Variants in FUT9 observed in about 807,000 individuals in gnomAD.
FUT9 encodes the protein 4-galactosyl-N-acetylglucosaminide 3-alpha-L-fucosyltransferase 9.
FUT9 carries 15 observed loss-of-function variants against 29.7 expected under a neutral mutation model. That is an observed-to-expected ratio of 0.51 (90% CI 0.34 to 0.78). The LOEUF is 0.78. Among genes scored for constraint, FUT9 ranks in the 30% least tolerant of loss-of-function variants. The pLI, the probability that FUT9 is intolerant of heterozygous loss-of-function variation, is 0.01. For missense variants in FUT9, 319 were observed against 425.4 expected (o/e 0.75, Z 2.20); for synonymous variants, 169 against 153.7 (o/e 1.10, Z -0.74).
At chr6:96,194,820 C>T (rs1026460480) in intron 2 of FUT9, among the ~76,000 whole-genome samples, 9 of 151,962 alleles carry the variant, frequency 5.9e-5, no homozygotes, top group African/African-American at 2.2e-4. Flanking sequence ...TGCTGGAAAG[C>T]TTGTTCTGAA....
At chr6:96,148,021 AG>A (rs919321936) in intron 2 of FUT9, among the ~76,000 whole-genome samples, 1 of 142,936 alleles carries the variant, frequency 7.0e-6, no homozygotes, top group Non-Finnish European at 1.5e-5. Flanking sequence ...AGACTTTAAA[AG>A]CAACTTTTAT....
chr6:96,181,075 A>G (rs530895024), intron 2 of FUT9, among the ~76,000 whole-genome samples: 1 of 152,204 alleles, frequency 6.6e-6, no homozygotes, highest in East Asian at 1.9e-4. Flanking sequence ...TCTATACAGT[A>G]AAGGCTAGAA....
intron 1 of FUT9, among the ~76,000 whole-genome samples, chr6:96,111,074 CT>C (rs1333287570): frequency 6.6e-6 from 1 of 152,114 alleles, no homozygotes; most frequent in Non-Finnish European, 1.5e-5. Context: ...AGTGAATCAT[CT>C]TAATGTTTCA....
chr6:96,092,561 T>G (rs965199630), intron 1 of FUT9, among the ~76,000 whole-genome samples: 15 of 152,164 alleles, frequency 9.9e-5, no homozygotes, highest in African/African-American at 3.6e-4. Flanking sequence ...TCTAGCTGTC[T>G]GCTCCAGCTT....
At chr6:96,046,647 A>G (rs756209462) in intron 1 of FUT9, among the ~76,000 whole-genome samples, 1 of 151,890 alleles carries the variant, frequency 6.6e-6, no homozygotes, top group Non-Finnish European at 1.5e-5. Context: ...CCCTTCCCAC[A>G]TGTGAACATA....
Position 96,204,300 on chromosome 6 carries a change from A to G in FUT9, c.*65A>G, listed in dbSNP as rs984820674. 2.6e-6 allele frequency: 3 copies of G among 1,135,604 alleles called. No individual in the cohort carries two copies. In the African/African-American group the frequency reaches 4.7e-5, roughly 18 times the overall value. The allele number at this position is 1,135,604 out of a possible 1,614,324, so 70.3% of individuals were successfully genotyped here. ...AGATATCATCCAAGTATTGAGGATA[A>G]GAAGAGATGCAACATACTACTTTTG... is the stretch of plus-strand genomic sequence containing the variant. On this transcript the variant is annotated 3_prime_UTR_variant, in exon 3 of 3. Coordinates refer to ENST00000302103, the MANE Select transcript of FUT9 (RefSeq NM_006581.4).
At position 96,204,137 on chromosome 6, in the gene FUT9, C is replaced by A; in HGVS notation, c.982C>A (p.Arg328=). The change falls in exon 3 of 3, where the codon CGA becomes AGA. Residue 328 remains arginine, a synonymous_variant. Coordinates refer to ENST00000302103, the MANE Select transcript of FUT9 (RefSeq NM_006581.4). ...GAAGGATTTCACTGTAAATCTTCCA[C>A]GATTTTGGGAATCACATGCATGTTT... ...WRKDFTVNLP[R]FWESHACLAC... The A allele has an allele frequency of 6.7e-7, 1 of 1,490,050 alleles. No individual in the cohort carries two copies. Among genetic ancestry groups the A allele is most frequent in the Non-Finnish European group, 8.9e-7 (1 of 1,118,460 alleles). The allele number at this position is 1,490,050 out of a possible 1,614,324, so 92.3% of individuals were successfully genotyped here.
intron 2 of FUT9, among the ~76,000 whole-genome samples, chr6:96,137,253 G>A (rs575881100): frequency 6.6e-6 from 1 of 152,114 alleles, no homozygotes; most frequent in Non-Finnish European, 1.5e-5. Context: ...CCAATTTTGA[G>A]TAACGCATAA....
chr6:96,149,207 T>C (rs2127976091), intron 2 of FUT9, among the ~76,000 whole-genome samples: 1 of 152,210 alleles, frequency 6.6e-6, no homozygotes, highest in South Asian at 2.1e-4. Context: ...AGACTGCTTT[T>C]ATTATGTACA....
Position 96,203,513 on chromosome 6 carries a change from T to A in FUT9, c.358T>A (p.Leu120Ile), listed in dbSNP as rs1320396093. 1 of 1,612,906 alleles carries A rather than the reference T, an allele frequency of 6.2e-7. No homozygotes were observed. Among genetic ancestry groups the A allele is most frequent in the Middle Eastern group, 1.7e-4 (1 of 6,060 alleles). The change falls in exon 3 of 3, where the codon TTA (leucine) becomes ATA (isoleucine). Residue 120 changes from leucine to isoleucine, a missense_variant. Physicochemically the swap from Leu to Ile is conservative, Grantham distance 5 (BLOSUM62 2). Coordinates refer to ENST00000302103, the MANE Select transcript of FUT9 (RefSeq NM_006581.4). ...HRDISWDLTNLPQQARPPFQK... is the reference protein window; with the variant it reads ...HRDISWDLTNIPQQARPPFQK... ...AGACATCAGTTGGGATCTGACAAATTTACCTCAGCAAGCTAGGCCACCCTT... is the reference window on the plus strand; with the variant it reads ...AGACATCAGTTGGGATCTGACAAATATACCTCAGCAAGCTAGGCCACCCTT...
chr6:96,044,907 GATAC>G lies in FUT9; in HGVS notation c.-98+28701_-98+28704del, dbSNP rs566523910. On this transcript the variant is annotated intron_variant, in intron 1 of 2. Coordinates refer to ENST00000302103, the MANE Select transcript of FUT9 (RefSeq NM_006581.4). ...GTTTATTTTAACATTAATTACTGCT[GATAC>G]ATACAGCCTTATATGTTCTACCCAT... is the stretch of plus-strand genomic sequence containing the variant. Among the ~76,000 whole-genome samples the G allele has an allele frequency of 2.6e-5, 4 of 152,186 alleles. No homozygotes were observed. In the South Asian group the frequency reaches 8.3e-4, roughly 32 times the overall value.
intron 1 of FUT9, among the ~76,000 whole-genome samples, chr6:96,102,038 T>C (rs1188484479): frequency 6.6e-6 from 1 of 152,144 alleles, no homozygotes; most frequent in African/African-American, 2.4e-5. Flanking sequence ...GTGTAAAGTC[T>C]CAAAAAATAA....
At chr6:96,180,605 T>C (rs1312553330) in intron 2 of FUT9, among the ~76,000 whole-genome samples, 1 of 152,024 alleles carries the variant, frequency 6.6e-6, no homozygotes, top group Non-Finnish European at 1.5e-5. Flanking sequence ...TTCACCAACC[T>C]TTGGCTATCC....
At chr6:96,183,638 A>G (rs1178359393) in intron 2 of FUT9, among the ~76,000 whole-genome samples, 2 of 151,864 alleles carry the variant, frequency 1.3e-5, no homozygotes, top group African/African-American at 4.8e-5. Context: ...TTTTGTTGAG[A>G]GTTTTAATCA....
At chr6:96,026,296 T>G (rs551495954) in intron 1 of FUT9, among the ~76,000 whole-genome samples, 1 of 151,814 alleles carries the variant, frequency 6.6e-6, no homozygotes, top group African/African-American at 2.4e-5. Context: ...TGCATTAAAC[T>G]TTTGTTATCT....
At chr6:96,156,151 A>G (rs1484144303) in intron 2 of FUT9, among the ~76,000 whole-genome samples, 1 of 152,168 alleles carries the variant, frequency 6.6e-6, no homozygotes, top group African/African-American at 2.4e-5. Context: ...GCTATAGGAA[A>G]GTTTTCAAAT....
At chr6:96,091,818 G>C (rs1771416306) in intron 1 of FUT9, among the ~76,000 whole-genome samples, 1 of 152,038 alleles carries the variant, frequency 6.6e-6, no homozygotes, top group Non-Finnish European at 1.5e-5. Context: ...GTAAGGAGGG[G>C]CTTTGCCAAG....
chr6:96,031,323 A>T (rs1179170115), intron 1 of FUT9, among the ~76,000 whole-genome samples: 1 of 151,584 alleles, frequency 6.6e-6, no homozygotes, highest in Non-Finnish European at 1.5e-5. Context: ...ATCTTTATTA[A>T]ATCCAATCAT....
chr6:96,196,215 T>C (rs1312145161), intron 2 of FUT9, among the ~76,000 whole-genome samples: 1 of 152,130 alleles, frequency 6.6e-6, no homozygotes, highest in Non-Finnish European at 1.5e-5. Flanking sequence ...AATAGAAGAA[T>C]AGTCTAATAT....
Sources: gnomAD v4.1 joint callset for allele counts (sites outside exome capture counted in the v4.1 genomes callset) on GRCh38, gnomAD v4.1.1 for gene constraint, MANE v1.5 for transcripts, NCBI Gene and HGNC (gene_info 2026-07-23, HGNC 2026-07-21) for gene names.